The following EYS variants were observed in gnomAD, a reference collection of about 807,000 sequenced individuals.
EYS encodes the protein protein eyes shut homolog.
Under a neutral mutation model 282.1 loss-of-function variants are expected in EYS, and 250 were observed. The observed-to-expected ratio is 0.89, with a 90% CI of 0.80 to 0.98. The LOEUF (loss-of-function observed/expected upper bound fraction) is 0.98, where lower values mean the gene tolerates loss of function less well. Among genes scored for constraint, EYS ranks in the 50% least tolerant of loss-of-function variants. The pLI is 0.00. For missense variants in EYS, 4,016 were observed against 3,709.0 expected, an observed-to-expected ratio of 1.08 and a Z score of -2.15; for synonymous variants, 1,355 against 1,282.9, an observed-to-expected ratio of 1.06 and a Z score of -1.20.
chr6:65,460,229 T>C (rs1764780573), intron 5 of EYS, among the ~76,000 whole-genome samples: 1 of 151,014 alleles, frequency 6.6e-6, no homozygotes, highest in African/African-American at 2.4e-5. Context: ...TAATCACATC[T>C]TTCTAAACTT....
chr6:64,852,961 A>G (rs1765931758), intron 19 of EYS, among the ~76,000 whole-genome samples: 1 of 152,152 alleles, frequency 6.6e-6, no homozygotes, highest in Admixed American at 6.6e-5. Flanking sequence ...CAACAGCCTT[A>G]GGACACTAAC....
At chr6:64,821,751 T>C (rs1253746914) in intron 20 of EYS, 28 bp from the exon 21 acceptor site, 2 of 1,262,318 alleles carry the variant, frequency 1.6e-6, no homozygotes, top group Non-Finnish European at 2.2e-6. Flanking sequence ...AATTACATTT[T>C]CAAATAAGTA....
In EYS at chr6:64,703,429, A is replaced by ATTTTTTTT. The variant is rs1554194865; in HGVS notation, c.3444-77192_3444-77185dup. Among the ~76,000 whole-genome samples the ATTTTTTTT allele has an allele frequency of 3.8e-3, 89 of 23,350 alleles. 9 individuals carry two copies. The highest frequency in any genetic ancestry group is 6.9e-3 in the African/African-American group (72 of 10,458). The allele number at this position is 23,350 out of a possible 152,430, so 15.3% of individuals were successfully genotyped here. On this transcript the variant is annotated intron_variant, in intron 22 of 42. Transcript: ENST00000503581. ...CACACACATATATATATATATATAT[A>ATTTTTTTT]TTTTTTTTTTTTTTTTTTGAGATGG...
intron 31 of EYS, among the ~76,000 whole-genome samples, chr6:64,106,293 C>T (rs1467233372): frequency 6.6e-6 from 1 of 151,910 alleles, no homozygotes; most frequent in Non-Finnish European, 1.5e-5. Flanking sequence ...AATTTAAGTA[C>T]TTTCAAAGTA....
At chr6:65,223,265 G>A (rs535246558) in intron 12 of EYS, among the ~76,000 whole-genome samples, 4 of 152,190 alleles carry the variant, frequency 2.6e-5, no homozygotes, top group Admixed American at 6.5e-5. Flanking sequence ...TACTCAGGAG[G>A]CTTAAGCAGG....
chr6:64,978,371 C>T (rs1458703638), intron 14 of EYS, among the ~76,000 whole-genome samples: 2 of 151,922 alleles, frequency 1.3e-5, no homozygotes, highest in Non-Finnish European at 2.9e-5. Flanking sequence ...TTACTGAATA[C>T]TTTAAGCCCA....
chr6:64,706,584 GA>G (rs1315234369), intron 22 of EYS, among the ~76,000 whole-genome samples: 24 of 152,038 alleles, frequency 1.6e-4, no homozygotes, highest in African/African-American at 4.1e-4. Flanking sequence ...CTAATATTCA[GA>G]CTCTACAAGC....
chr6:64,808,044 TTTCCCTTC>T (rs1225282039), intron 22 of EYS, among the ~76,000 whole-genome samples: 2 of 75,380 alleles, frequency 2.7e-5, no homozygotes, highest in Non-Finnish European at 6.1e-5. Context: ...TCCTTCCTCC[TTTCCCTTC>T]TTCCCTTCTT....
intron 19 of EYS, among the ~76,000 whole-genome samples, chr6:64,825,592 C>CTGTT (rs1178770610): frequency 2.6e-5 from 4 of 151,850 alleles, no homozygotes; most frequent in Non-Finnish European, 4.4e-5. Flanking sequence ...TCTGGGGAAA[C>CTGTT]TGTTAGTCCT....
intron 31 of EYS, among the ~76,000 whole-genome samples, chr6:64,189,826 G>C (rs1765051050): frequency 6.6e-6 from 1 of 152,176 alleles, no homozygotes; most frequent in Admixed American, 6.5e-5. Context: ...CACTACAACA[G>C]TAGAATCGAA....
chr6:64,564,874 CA>C (rs1765516233), intron 26 of EYS, among the ~76,000 whole-genome samples: 1 of 152,110 alleles, frequency 6.6e-6, no homozygotes, highest in South Asian at 2.1e-4. Flanking sequence ...AATAACCATT[CA>C]AACAGGTGTG....
intron 12 of EYS, among the ~76,000 whole-genome samples, chr6:65,182,499 G>A (rs1765414706): frequency 1.3e-5 from 2 of 151,454 alleles, no homozygotes; most frequent in Admixed American, 1.3e-4. Context: ...TTGATGTTTA[G>A]TATTTCCACG....
At chr6:64,172,260 T>C (rs1350381809) in intron 31 of EYS, among the ~76,000 whole-genome samples, 1 of 152,132 alleles carries the variant, frequency 6.6e-6, no homozygotes, top group Non-Finnish European at 1.5e-5. Flanking sequence ...TCTCTTCTAT[T>C]AAATTATTAA....
At chr6:65,443,937 C>T (rs1158311497) in intron 5 of EYS, among the ~76,000 whole-genome samples, 4 of 151,582 alleles carry the variant, frequency 2.6e-5, no homozygotes, top group Admixed American at 6.6e-5. Context: ...ATCAGAAGAA[C>T]ACTTTAAATA....
chr6:65,171,410 C>A (rs1374396362), intron 12 of EYS, among the ~76,000 whole-genome samples: 1 of 151,530 alleles, frequency 6.6e-6, no homozygotes, highest in Non-Finnish European at 1.5e-5. Context: ...TAAACCTTTA[C>A]TTAACTTTTC....
At chr6:64,162,135 C>A (rs192595974) in intron 31 of EYS, among the ~76,000 whole-genome samples, 1 of 152,076 alleles carries the variant, frequency 6.6e-6, no homozygotes, top group Non-Finnish European at 1.5e-5. Context: ...CTTCCACCCA[C>A]GTAAAAGGGT....
chr6:65,119,042 TAATGGA>T (rs1448928491), intron 12 of EYS, among the ~76,000 whole-genome samples: 1 of 152,090 alleles, frequency 6.6e-6, no homozygotes, highest in African/African-American at 2.4e-5. Context: ...GCAAAAGGAA[TAATGGA>T]AATGGAATGA....
chr6:63,789,268 T>C (rs1246187679), intron 37 of EYS, 44 bp from the exon 38 acceptor site: 3 of 1,530,634 alleles, frequency 2.0e-6, no homozygotes, highest in Admixed American at 4.0e-5. Flanking sequence ...GAGAGGAAAT[T>C]CAGGAGTTCC....
At chr6:65,348,659 C>A (rs1253133538) in intron 9 of EYS, among the ~76,000 whole-genome samples, 1 of 151,240 alleles carries the variant, frequency 6.6e-6, no homozygotes, top group East Asian at 2.0e-4. Context: ...ATATGATATA[C>A]CATTCTGTGA....
Sources: gnomAD v4.1 joint callset for allele counts (sites outside exome capture counted in the v4.1 genomes callset) on GRCh38, gnomAD v4.1.1 for gene constraint, MANE v1.5 for transcripts, NCBI Gene and HGNC (gene_info 2026-07-23, HGNC 2026-07-21) for gene names.